The following TRAPPC8 variants were observed in gnomAD, a reference collection of about 807,000 sequenced individuals.
TRAPPC8 encodes trafficking protein particle complex subunit 8, also known as general sporulation gene 1 homolog.
In TRAPPC8, 54 loss-of-function variants were observed where a neutral mutation model predicts 174.3. That is an observed-to-expected ratio of 0.31 (90% CI 0.25 to 0.39). TRAPPC8 has a LOEUF of 0.39. Among genes scored for constraint, TRAPPC8 ranks in the 10% least tolerant of loss-of-function variants. The pLI is 1.00. For synonymous variants in TRAPPC8, 630 were observed against 579.9 expected (o/e 1.09, Z -1.24); for missense variants, 1,531 against 1,699.1 (o/e 0.90, Z 1.74).
intron 12 of TRAPPC8, among the ~76,000 whole-genome samples, chr18:31,888,885 T>C (rs1456668374): frequency 6.6e-6 from 1 of 152,216 alleles, no homozygotes; most frequent in Admixed American, 6.5e-5. Flanking sequence ...GTAACAAACC[T>C]GCACATCCTG....
intron 24 of TRAPPC8, among the ~76,000 whole-genome samples, chr18:31,850,525 G>C (rs1224137193): frequency 1.3e-5 from 2 of 152,070 alleles, no homozygotes; most frequent in East Asian, 3.9e-4. Flanking sequence ...ATTTTAAATG[G>C]ACTCAATTAC....
In TRAPPC8 at chr18:31,832,235, G is replaced by T; in HGVS notation, c.3984-62C>A. ...TTTTCTTCTTAAAAGCAATTTTCCTGAAAATAACACTTAAGACTATGTAAC... is the reference window on the plus strand; with the variant it reads ...TTTTCTTCTTAAAAGCAATTTTCCTTAAAATAACACTTAAGACTATGTAAC... On this transcript the variant is annotated intron_variant, in intron 27 of 28. Coordinates refer to ENST00000283351, the MANE Select transcript of TRAPPC8 (RefSeq NM_014939.5). 9.4e-6 allele frequency: 9 copies of T among 959,900 alleles called. No individual in the cohort carries two copies. In the South Asian group the frequency reaches 2.1e-4, roughly 23 times the overall value. 59.5% of individuals were successfully genotyped at this position (959,900 alleles called of 1,614,324 possible).
At chr18:31,928,825 C>G (rs1384982762) in intron 2 of TRAPPC8, among the ~76,000 whole-genome samples, 2 of 152,118 alleles carry the variant, frequency 1.3e-5, no homozygotes, top group East Asian at 1.9e-4. Context: ...GCATGGCTAA[C>G]AAACTTGTTA....
chr18:31,866,097 A>G (rs2034573770), intron 18 of TRAPPC8, among the ~76,000 whole-genome samples: 1 of 152,054 alleles, frequency 6.6e-6, no homozygotes, highest in Non-Finnish European at 1.5e-5. Flanking sequence ...AGCTTTTGTA[A>G]ATGCTAAATT....
chr18:31,878,901 A>G (rs2035290242), intron 12 of TRAPPC8, among the ~76,000 whole-genome samples: 1 of 152,234 alleles, frequency 6.6e-6, no homozygotes, highest in African/African-American at 2.4e-5. Context: ...TATAATGATA[A>G]AGAGTTCAAT....
At chr18:31,864,849 T>C in intron 18 of TRAPPC8, 68 bp from the exon 19 acceptor site, 1 of 1,293,650 alleles carries the variant, frequency 7.7e-7, no homozygotes. Context: ...TTAACTTGAA[T>C]ATGTGAATAT....
Position 31,931,511 on chromosome 18 carries a change from T to A in TRAPPC8, c.170A>T (p.Asp57Val). The A allele has an allele frequency of 6.3e-7, 1 of 1,586,116 alleles. No individual in the cohort carries two copies. Among genetic ancestry groups the A allele is most frequent in the South Asian group, 1.2e-5 (1 of 85,248 alleles). The stretch of plus-strand genomic sequence containing the variant: ...AATTACGTGAAGTTGATTATTAGGA[T>A]CTCTCATGTGAACTTTAAAGAAAAA... ...SRLTSEVHMRDPNNQLHVIKN... is the reference protein window; with the variant it reads ...SRLTSEVHMRVPNNQLHVIKN... The change falls in exon 2 of 29, where the codon GAT becomes GTT. Residue 57 changes from aspartate to valine, a missense_variant. Transcript: ENST00000283351.
Position 31,919,840 on chromosome 18 carries a change from G to A in TRAPPC8, c.353-2173C>T, listed in dbSNP as rs111378495. ...TGTGCCACTGCACTCCAGCCTGGGC[G>A]ACAGGAGTGAGACCCTGTCTCAAAA... On this transcript the variant is annotated intron_variant, in intron 2 of 28. Coordinates refer to ENST00000283351, the MANE Select transcript of TRAPPC8 (RefSeq NM_014939.5). Among the ~76,000 whole-genome samples, 1,334 of 151,812 alleles carry A rather than the reference G, an allele frequency of 8.8e-3. 25 individuals are homozygous for A. The highest frequency in any genetic ancestry group is 0.031 in the African/African-American group (1,290 of 41,426).
intron 16 of TRAPPC8, chr18:31,870,150 G>T: frequency 3.2e-6 from 1 of 316,222 alleles, no homozygotes; most frequent in Non-Finnish European, 5.7e-6. Flanking sequence ...ATGTTAAAGT[G>T]GTTATTTCTA....
At chr18:31,870,582 T>C in intron 15 of TRAPPC8, 80 bp from the exon 16 acceptor site, 1 of 1,448,752 alleles carries the variant, frequency 6.9e-7, no homozygotes, top group Non-Finnish European at 9.4e-7. Flanking sequence ...AAATGCATCT[T>C]GCTTTCATAG....
intron 12 of TRAPPC8, among the ~76,000 whole-genome samples, chr18:31,880,590 G>T (rs1048815266): frequency 3.9e-5 from 6 of 151,974 alleles, no homozygotes; most frequent in Admixed American, 2.0e-4. Context: ...AGGGGAACAA[G>T]ACAAGGATGT....
At chr18:31,849,067 T>G (rs1328725485) in intron 25 of TRAPPC8, among the ~76,000 whole-genome samples, 1 of 151,994 alleles carries the variant, frequency 6.6e-6, no homozygotes, top group African/African-American at 2.4e-5. Context: ...TGCAGTTATA[T>G]TAAACAAAAA....
At chr18:31,916,723 G>A (rs1005209513) in intron 3 of TRAPPC8, among the ~76,000 whole-genome samples, 7 of 151,722 alleles carry the variant, frequency 4.6e-5, no homozygotes, top group Non-Finnish European at 7.4e-5. Flanking sequence ...TTGTAAAGAC[G>A]GGGTTTCACC....
intron 2 of TRAPPC8, among the ~76,000 whole-genome samples, chr18:31,921,813 G>A (rs2037402441): frequency 6.6e-6 from 1 of 152,084 alleles, no homozygotes; most frequent in Admixed American, 6.5e-5. Flanking sequence ...CTCTTAGGAT[G>A]AGGTTATCCA....
intron 6 of TRAPPC8, 32 bp from the exon 7 acceptor site, chr18:31,909,042 C>T (rs2036793269): frequency 1.3e-6 from 2 of 1,557,790 alleles, no homozygotes; most frequent in Non-Finnish European, 1.7e-6. Flanking sequence ...CTTTTACTCT[C>T]AGAATGCAAC....
chr18:31,878,766 C>T (rs1017646820), intron 12 of TRAPPC8, among the ~76,000 whole-genome samples: 1 of 151,948 alleles, frequency 6.6e-6, no homozygotes, highest in Non-Finnish European at 1.5e-5. Context: ...GGCTCAAAGT[C>T]AAGGGGTGGA....
intron 12 of TRAPPC8, among the ~76,000 whole-genome samples, chr18:31,887,737 T>C (rs960127883): frequency 6.6e-6 from 1 of 151,402 alleles, no homozygotes; most frequent in Non-Finnish European, 1.5e-5. Context: ...GTATTCCCCC[T>C]GAAAACCAGC....
intron 17 of TRAPPC8, 136 bp downstream of exon 17, chr18:31,867,266 T>TC: frequency 1.4e-6 from 1 of 729,136 alleles, no homozygotes; most frequent in South Asian, 1.8e-5. Flanking sequence ...CCTGAGCAAT[T>TC]CCTATGTCCT....
rs1221116114 is a variant in TRAPPC8 at position 31,839,382 on chromosome 18, G to C, written c.3913C>G (p.Gln1305Glu). ...CTCGTTTTAATGAGACTAGAAAGCT[G>C]CTCTACTGATGGCCTTGAGGAAACT... is the stretch of plus-strand genomic sequence containing the variant. ...ITVSSRPSVE[Q>E]LSSLIKTSLH... The change falls in exon 27 of 29, where the codon CAG becomes GAG. Residue 1305 changes from glutamine (Q) to glutamate (E), a missense_variant. Transcript: ENST00000283351. 6.2e-7 allele frequency: 1 copy of C among 1,612,008 alleles called. No homozygotes were observed. The highest frequency in any genetic ancestry group is 1.3e-5 in the African/African-American group (1 of 74,800).
Sources: gnomAD v4.1 joint callset for allele counts (sites outside exome capture counted in the v4.1 genomes callset) on GRCh38, gnomAD v4.1.1 for gene constraint, MANE v1.5 for transcripts, NCBI Gene and HGNC (gene_info 2026-07-23, HGNC 2026-07-21) for gene names.